GABRA3: variants seen among roughly 807,000 people sequenced by gnomAD.
The protein encoded by GABRA3 is gamma-aminobutyric acid type A receptor subunit alpha3.
Under a neutral mutation model 30.1 loss-of-function variants are expected in GABRA3, and 10 were observed. That is an observed-to-expected ratio of 0.33 (90% confidence interval 0.20 to 0.56). The LOEUF (loss-of-function observed/expected upper bound fraction) is 0.56, where lower values mean the gene tolerates loss of function less well. GABRA3 is among the 20% of genes least tolerant of loss of function. The pLI is 0.89. For missense variants in GABRA3, 233 were observed against 392.0 expected, an observed-to-expected ratio of 0.59 and a Z score of 3.42; for synonymous variants, 151 against 146.8, an observed-to-expected ratio of 1.03 and a Z score of -0.21.
intron 4 of GABRA3, among the ~76,000 whole-genome samples, chrX:152,273,012 G>A (rs970844203): frequency 3.6e-5 from 4 of 111,446 alleles, no homozygotes; most frequent in African/African-American, 1.3e-4. Flanking sequence ...TATAGCAGCA[G>A]GAGAATGGAC....
chrX:152,400,479 C>T (rs997732751), intron 1 of GABRA3, among the ~76,000 whole-genome samples: 2 of 110,350 alleles, frequency 1.8e-5, no homozygotes, highest in East Asian at 2.8e-4. Flanking sequence ...ACTGCACTCC[C>T]GCCTGGGCAA....
In GABRA3 at chrX:152,345,688, T is replaced by C. The variant is rs1940381459; in HGVS notation, c.155A>G (p.His52Arg). 8.4e-7 allele frequency: 1 copy of C among 1,193,979 alleles called. No homozygotes were observed. The highest frequency in any genetic ancestry group is 1.1e-6 in the Non-Finnish European group (1 of 889,948). Residue 52 changes from histidine (H) to arginine (R), a missense_variant, in exon 3 of 10, where the codon CAT becomes CGT. Around this residue, in one of 6 missense-constraint regions of GABRA3, gnomAD observed 69 missense variants for 79.4 expected, o/e 0.87. Transcript: ENST00000370314. Reference protein sequence around the residue: ...KQDIGGLSPKHAPDIPDDSTD... With the variant: ...KQDIGGLSPKRAPDIPDDSTD... ...GCTGTCATCAGGAATATCTGGGGCA[T>C]GCTTAGGAGACAGCCTGAGGCAATG...
chrX:152,397,672 T>G (rs1285252400), intron 1 of GABRA3, among the ~76,000 whole-genome samples: 2 of 112,089 alleles, frequency 1.8e-5, no homozygotes, highest in South Asian at 3.7e-4. Flanking sequence ...CCATTAACCT[T>G]TCTAAAATAT....
intron 1 of GABRA3, among the ~76,000 whole-genome samples, chrX:152,442,381 T>C (rs1930954979): frequency 1.9e-5 from 2 of 106,912 alleles, no homozygotes; most frequent in South Asian, 7.8e-4. Context: ...ATTTCCAAAA[T>C]AAAAAAAGGG....
At chrX:152,213,799 G>T (rs1239198108) in intron 6 of GABRA3, among the ~76,000 whole-genome samples, 1 of 111,761 alleles carries the variant, frequency 8.9e-6, no homozygotes, top group Non-Finnish European at 1.9e-5. Flanking sequence ...AAAATCCAAG[G>T]ATTCTCCAGA....
intron 4 of GABRA3, among the ~76,000 whole-genome samples, chrX:152,262,117 GCAA>G (rs1938740809): frequency 8.9e-6 from 1 of 112,352 alleles, no homozygotes; most frequent in Non-Finnish European, 1.9e-5. Context: ...TGGAGCTGAA[GCAA>G]CTGAAGATGC....
chrX:152,190,698 G>A (rs1937312828), intron 8 of GABRA3, among the ~76,000 whole-genome samples: 2 of 109,910 alleles, frequency 1.8e-5, no homozygotes, highest in Admixed American at 9.9e-5. Flanking sequence ...CTTTGTGAAC[G>A]ATGAAAACTA....
chrX:152,352,380 C>T (rs1940491248), intron 2 of GABRA3, among the ~76,000 whole-genome samples: 1 of 111,920 alleles, frequency 8.9e-6, no homozygotes, highest in South Asian at 3.7e-4. Context: ...TGTTCATTAA[C>T]TTCCCCCCAA....
chrX:152,196,987 C>A (rs1267191917), intron 8 of GABRA3, among the ~76,000 whole-genome samples: 3 of 111,931 alleles, frequency 2.7e-5, no homozygotes, highest in Non-Finnish European at 3.8e-5. Context: ...CCATGGAGGC[C>A]AGTTTAGTAG....
intron 1 of GABRA3, among the ~76,000 whole-genome samples, chrX:152,407,639 A>G (rs375541695): frequency 5.4e-5 from 6 of 111,975 alleles, no homozygotes; most frequent in Admixed American, 3.8e-4. Context: ...GCCGAATTCT[A>G]TCAAACATTT....
intron 5 of GABRA3, among the ~76,000 whole-genome samples, chrX:152,253,548 C>A (rs778963104): frequency 8.9e-6 from 1 of 111,794 alleles, no homozygotes; most frequent in Non-Finnish European, 1.9e-5. Context: ...TATTTACTGC[C>A]GATTTCCTTA....
intron 1 of GABRA3, among the ~76,000 whole-genome samples, chrX:152,393,118 T>C (rs1480981030): frequency 3.6e-5 from 4 of 111,834 alleles, no homozygotes; most frequent in East Asian, 2.8e-4. Flanking sequence ...AAAACGGATA[T>C]GGTTGGTGAT....
chrX:152,315,963 G>T (rs911733228), intron 3 of GABRA3, among the ~76,000 whole-genome samples: 1 of 10,397 alleles, frequency 9.6e-5, no homozygotes, highest in Non-Finnish European at 1.7e-4. Context: ...TTTTAGGCCC[G>T]CCCCCCGACC....
At chrX:152,295,578 C>A (rs934646523) in intron 3 of GABRA3, among the ~76,000 whole-genome samples, 1 of 112,681 alleles carries the variant, frequency 8.9e-6, no homozygotes. Flanking sequence ...GCGGGAGTGT[C>A]CCATTTTTCC....
At chrX:152,240,109 G>A (rs1463149874) in intron 5 of GABRA3, among the ~76,000 whole-genome samples, 1 of 99,384 alleles carries the variant, frequency 1.0e-5, no homozygotes, top group African/African-American at 4.2e-5. Flanking sequence ...TTACATTTTG[G>A]CATGATTTTG....
chrX:152,194,668 A>G (rs1937363089), intron 8 of GABRA3, among the ~76,000 whole-genome samples: 3 of 112,070 alleles, frequency 2.7e-5, no homozygotes, highest in Non-Finnish European at 5.6e-5. Flanking sequence ...TTATACTTAA[A>G]TCCATGATCA....
chrX:152,315,857 G>C lies in GABRA3; in HGVS notation c.262+29724C>G, dbSNP rs113049224. Among the ~76,000 whole-genome samples the C allele has an allele frequency of 7.9e-3, 842 of 107,245 alleles. 11 individuals carry two copies. Among genetic ancestry groups the C allele is most frequent in the African/African-American group, 0.027 (806 of 29,358 alleles). The allele number at this position is 107,245 out of a possible 115,157, so 93.1% of individuals were successfully genotyped here. On this transcript the variant is annotated intron_variant, in intron 3 of 9. Transcript: ENST00000370314. ...AGCCACAGCAAGCACCACCCAAGGAGAGTCTGAGCTCAGACACACCTAACC... is the reference window on the plus strand; with the variant it reads ...AGCCACAGCAAGCACCACCCAAGGACAGTCTGAGCTCAGACACACCTAACC...
At chrX:152,197,807 G>C in intron 7 of GABRA3, 22 bp from the exon 8 acceptor site, 1 of 1,150,257 alleles carries the variant, frequency 8.7e-7, no homozygotes, top group Non-Finnish European at 1.2e-6. Context: ...GTAAAATTAG[G>C]CAGTATGTAG....
intron 4 of GABRA3, among the ~76,000 whole-genome samples, chrX:152,278,995 A>G (rs1353929065): frequency 2.7e-5 from 3 of 111,518 alleles, no homozygotes; most frequent in Non-Finnish European, 5.7e-5. Context: ...AGTTCTTTGT[A>G]GATTCTGGAT....
Sources: gnomAD v4.1 joint callset for allele counts (sites outside exome capture counted in the v4.1 genomes callset) on GRCh38, gnomAD v4.1.1 for gene constraint, gnomAD v4.1.1 regional missense constraint, MANE v1.5 for transcripts, NCBI Gene and HGNC (gene_info 2026-07-23, HGNC 2026-07-21) for gene names.